TTLL9: variants seen among roughly 807,000 people sequenced by gnomAD.
TTLL9 encodes tubulin tyrosine ligase like 9.
In TTLL9, 47 loss-of-function variants were observed where a neutral mutation model predicts 65.6. The observed-to-expected ratio is 0.72, with a 90% CI of 0.57 to 0.91. The LOEUF (loss-of-function observed/expected upper bound fraction) is 0.91, where lower values mean the gene tolerates loss of function less well. Among genes scored for constraint, TTLL9 ranks in the 40% least tolerant of loss-of-function variants. The probability of loss-of-function intolerance (pLI) is 0.00; values close to 1 mark genes in which losing one functional copy is unlikely to be tolerated. For synonymous variants in TTLL9, 179 were observed against 204.8 expected, an observed-to-expected ratio of 0.87 and a Z score of 1.07; for missense variants, 537 against 568.8, an observed-to-expected ratio of 0.94 and a Z score of 0.57.
intron 2 of TTLL9, chr20:31,879,686 A>C: frequency 1.3e-6 from 1 of 777,632 alleles, no homozygotes; most frequent in Non-Finnish European, 2.0e-6. Context: ...AAGTCGGGGG[A>C]CCTAGGCTGC....
chr20:31,914,904 T>TA (rs1431255856), intron 6 of TTLL9, among the ~76,000 whole-genome samples: 1 of 152,238 alleles, frequency 6.6e-6, no homozygotes, highest in Non-Finnish European at 1.5e-5. Flanking sequence ...CTCAGTCAGT[T>TA]ACTCTGTTGG....
intron 13 of TTLL9, chr20:31,938,161 T>C (rs2064149277): frequency 2.2e-6 from 1 of 450,682 alleles, no homozygotes; most frequent in Non-Finnish European, 4.4e-6. Context: ...TGTATTAGCT[T>C]TTCCCCGATT....
chr20:31,935,157 C>A (rs1339211542), intron 12 of TTLL9, among the ~76,000 whole-genome samples: 1 of 152,142 alleles, frequency 6.6e-6, no homozygotes, highest in Non-Finnish European at 1.5e-5. Flanking sequence ...CCTTCCTGAT[C>A]ATCTGCTGAG....
intron 3 of TTLL9, among the ~76,000 whole-genome samples, chr20:31,892,999 A>G (rs756438098): frequency 1.3e-5 from 2 of 152,298 alleles, no homozygotes; most frequent in African/African-American, 2.4e-5. Flanking sequence ...CATGGAAGAA[A>G]GTATTCCATA....
chr20:31,896,542 T>G (rs1476714717), intron 3 of TTLL9, among the ~76,000 whole-genome samples: 5 of 151,932 alleles, frequency 3.3e-5, no homozygotes, highest in Admixed American at 1.3e-4. Flanking sequence ...GTTGTTTTGG[T>G]TTTTTTTGAG....
intron 11 of TTLL9, 179 bp from the exon 12 acceptor site, chr20:31,934,513 G>T: frequency 1.5e-6 from 1 of 669,512 alleles, no homozygotes; most frequent in Non-Finnish European, 2.7e-6. Context: ...TCTTAGACAT[G>T]AAGAATTTTT....
chr20:31,871,637 A>G (rs2062934894), intron 2 of TTLL9, among the ~76,000 whole-genome samples: 1 of 152,188 alleles, frequency 6.6e-6, no homozygotes, highest in African/African-American at 2.4e-5. Flanking sequence ...TTCCTCCCTC[A>G]AGTTCATAGC....
At chr20:31,890,364 C>A (rs1369756792) in intron 3 of TTLL9, among the ~76,000 whole-genome samples, 1 of 151,770 alleles carries the variant, frequency 6.6e-6, no homozygotes. Flanking sequence ...TATTACTATT[C>A]TGCACCCTGC....
At chr20:31,926,711 TTTATGTACTG>T (rs1436092939) in intron 10 of TTLL9, among the ~76,000 whole-genome samples, 1 of 152,242 alleles carries the variant, frequency 6.6e-6, no homozygotes, top group Non-Finnish European at 1.5e-5. Context: ...GGGAAAGTGC[TTTATGTACTG>T]ATATGAAACA....
chr20:31,894,250 C>T (rs1397169718), intron 3 of TTLL9, among the ~76,000 whole-genome samples: 3 of 151,812 alleles, frequency 2.0e-5, no homozygotes, highest in East Asian at 1.9e-4. Context: ...ACTACAGGCA[C>T]GTACCACCAT....
At chr20:31,903,059 G>T (rs1396123029) in intron 4 of TTLL9, among the ~76,000 whole-genome samples, 2 of 151,598 alleles carry the variant, frequency 1.3e-5, no homozygotes, top group African/African-American at 4.8e-5. Flanking sequence ...TTGGAGAGAT[G>T]GGGTCTCATT....
At chr20:31,904,437 A>G (rs2063522636) in intron 4 of TTLL9, among the ~76,000 whole-genome samples, 1 of 142,008 alleles carries the variant, frequency 7.0e-6, no homozygotes, top group Admixed American at 7.8e-5. Context: ...GGGTCACTGC[A>G]GCCTTGACCC....
At chr20:31,873,832 G>GAAAGAAAGAAAA (rs1555800249) in intron 2 of TTLL9, among the ~76,000 whole-genome samples, 27 of 75,760 alleles carry the variant, frequency 3.6e-4, no homozygotes, top group East Asian at 1.4e-3. Context: ...AAGAAAGAAA[G>GAAAGAAAGAAAA]AAAGAAAGAA....
intron 4 of TTLL9, among the ~76,000 whole-genome samples, chr20:31,900,786 GGGGGTGGTGTA>G (rs1357107501): frequency 6.6e-6 from 1 of 152,158 alleles, no homozygotes; most frequent in South Asian, 2.1e-4. Context: ...ACTAGCAGGT[GGGGGTGGTGTA>G]GGGGAGAGAG....
chr20:31,879,608 G>C (rs995066919), intron 2 of TTLL9: 12 of 481,254 alleles, frequency 2.5e-5, no homozygotes, highest in African/African-American at 3.9e-5. Flanking sequence ...GTGGGGCAGA[G>C]GGAGCCAGCC....
chr20:31,934,150 T>C (rs2064066439), intron 11 of TTLL9, among the ~76,000 whole-genome samples: 1 of 152,242 alleles, frequency 6.6e-6, no homozygotes, highest in Non-Finnish European at 1.5e-5. Flanking sequence ...GATTAATCGA[T>C]TAATGTAATG....
At chr20:31,905,286 G>C (rs1390177456) in intron 4 of TTLL9, among the ~76,000 whole-genome samples, 2 of 152,000 alleles carry the variant, frequency 1.3e-5, no homozygotes, top group African/African-American at 2.4e-5. Context: ...TGTTGGCCAG[G>C]CTGGTCTCAA....
At chr20:31,906,479 T>C (rs2063561616) in intron 4 of TTLL9, among the ~76,000 whole-genome samples, 2 of 152,326 alleles carry the variant, frequency 1.3e-5, no homozygotes, top group South Asian at 4.1e-4. Context: ...CCCTGCATCC[T>C]CCCCATTGGT....
chr20:31,928,081 C>T (rs1267836562), intron 10 of TTLL9, among the ~76,000 whole-genome samples: 2 of 148,280 alleles, frequency 1.3e-5, no homozygotes, highest in African/African-American at 5.0e-5. Flanking sequence ...TTAAATAATA[C>T]ATGTAAAGCA....
Sources: allele counts gnomAD v4.1 joint callset (sites outside exome capture counted in the v4.1 genomes callset), GRCh38; gene constraint gnomAD v4.1.1; transcripts MANE v1.5; gene names NCBI Gene and HGNC (gene_info 2026-07-23, HGNC 2026-07-21).